The following WAC variants were observed in gnomAD, a reference collection of about 807,000 sequenced individuals.
WAC encodes the protein WW domain containing adaptor with coiled-coil, also known as WW domain-containing adapter protein with coiled-coil.
Under a neutral mutation model 79.6 loss-of-function variants are expected in WAC, and 11 were observed. The ratio of observed to expected loss-of-function variants is 0.14; its 90% CI spans 0.09 to 0.23. The LOEUF (loss-of-function observed/expected upper bound fraction) is 0.23, where lower values mean the gene tolerates loss of function less well. WAC is among the 10% of genes least tolerant of loss of function. The pLI, the probability that WAC is intolerant of heterozygous loss-of-function variation, is 1.00. For missense variants in WAC, 728 were observed against 773.5 expected (o/e 0.94, Z 0.70); for synonymous variants, 304 against 276.9 (o/e 1.10, Z -0.97).
chr10:28,579,904 A>T (rs988608450), intron 3 of WAC, among the ~76,000 whole-genome samples: 1 of 152,208 alleles, frequency 6.6e-6, no homozygotes, highest in Non-Finnish European at 1.5e-5. Context: ...TCTAGTTGGA[A>T]TGTAAAGATG....
intron 13 of WAC, 23 bp from the exon 14 acceptor site, chr10:28,619,514 T>C: frequency 6.4e-7 from 1 of 1,554,366 alleles, no homozygotes; most frequent in African/African-American, 1.4e-5. Flanking sequence ...ACACAGGTTC[T>C]AATGTCTGCT....
At chr10:28,538,727 TAAAA>T (rs769305469) in intron 3 of WAC, among the ~76,000 whole-genome samples, 2 of 143,344 alleles carry the variant, frequency 1.4e-5, no homozygotes, top group African/African-American at 5.1e-5. Flanking sequence ...CTGTGTCTAC[TAAAA>T]AAAAAAAAAA....
intron 3 of WAC, among the ~76,000 whole-genome samples, chr10:28,553,687 C>T (rs1837828422): frequency 6.6e-6 from 1 of 152,054 alleles, no homozygotes; most frequent in East Asian, 1.9e-4. Flanking sequence ...AATATTAATA[C>T]AGTCAGCCTT....
intron 3 of WAC, among the ~76,000 whole-genome samples, chr10:28,544,475 G>A (rs1837243594): frequency 6.6e-6 from 1 of 152,182 alleles, no homozygotes; most frequent in African/African-American, 2.4e-5. Flanking sequence ...TTGTTGCGGG[G>A]TTAAATGAAA....
In WAC at chr10:28,601,755, G is replaced by T. The variant is rs114707610; in HGVS notation, c.919+5714G>T. Among the ~76,000 whole-genome samples the T allele has an allele frequency of 8.4e-3, 1,280 of 152,252 alleles. 19 individuals are homozygous for T. The highest frequency in any genetic ancestry group is 0.026 in the African/African-American group (1,094 of 41,556). ...AAATTCTGATACATGCTACAACATGGATGAACCTTGAGAATATTACATGAA... is the reference window on the plus strand; with the variant it reads ...AAATTCTGATACATGCTACAACATGTATGAACCTTGAGAATATTACATGAA... On this transcript the variant is annotated intron_variant, in intron 7 of 13. Coordinates refer to ENST00000354911, the MANE Select transcript of WAC (RefSeq NM_016628.5).
intron 13 of WAC, chr10:28,618,183 C>T (rs1468580680): frequency 6.3e-6 from 1 of 157,524 alleles, no homozygotes; most frequent in Non-Finnish European, 1.4e-5. Flanking sequence ...TTTAGTGTAT[C>T]TGCTGTCTTA....
intron 13 of WAC, 37 bp downstream of exon 13, chr10:28,617,821 A>G (rs751099926): frequency 1.3e-6 from 2 of 1,546,854 alleles, no homozygotes; most frequent in Non-Finnish European, 1.7e-6. Flanking sequence ...TATGTTTCTC[A>G]GGATTATGAT....
chr10:28,602,894 A>C (rs892309926), intron 7 of WAC, among the ~76,000 whole-genome samples: 1 of 152,172 alleles, frequency 6.6e-6, no homozygotes, highest in African/African-American at 2.4e-5. Flanking sequence ...AAGCATTAAG[A>C]AGTTTTGTCT....
chr10:28,595,366 C>T (rs1244023592), intron 6 of WAC, among the ~76,000 whole-genome samples: 1 of 151,928 alleles, frequency 6.6e-6, no homozygotes, highest in Non-Finnish European at 1.5e-5. Flanking sequence ...TTTACTTTTT[C>T]TGCCTTTAAA....
intron 3 of WAC, among the ~76,000 whole-genome samples, chr10:28,539,832 T>G (rs1016999382): frequency 2.6e-5 from 4 of 152,184 alleles, no homozygotes; most frequent in Non-Finnish European, 5.9e-5. Flanking sequence ...GTGCTAGGAT[T>G]ACAGGCGTGA....
At chr10:28,551,033 AATTC>A (rs1837639620) in intron 3 of WAC, among the ~76,000 whole-genome samples, 1 of 152,236 alleles carries the variant, frequency 6.6e-6, no homozygotes, top group Admixed American at 6.5e-5. Flanking sequence ...AACCCTCTTA[AATTC>A]ATATCTCACT....
chr10:28,568,250 G>A (rs372080828), intron 3 of WAC, among the ~76,000 whole-genome samples: 76 of 152,222 alleles, frequency 5.0e-4, no homozygotes, highest in African/African-American at 9.6e-4. Context: ...GTTTGCTGTC[G>A]GATTCATCTG....
intron 3 of WAC, among the ~76,000 whole-genome samples, chr10:28,567,814 G>C (rs1409399056): frequency 6.6e-6 from 1 of 152,080 alleles, no homozygotes; most frequent in Non-Finnish European, 1.5e-5. Context: ...GAGTGCAGTG[G>C]CACTATCATG....
At chr10:28,591,058 A>G in intron 6 of WAC, 1 of 437,586 alleles carries the variant, frequency 2.3e-6, no homozygotes, top group Non-Finnish European at 4.1e-6. Context: ...CATTATGGCT[A>G]TAATGGAGTT....
At chr10:28,597,913 T>C (rs1044292637) in intron 7 of WAC, among the ~76,000 whole-genome samples, 2 of 152,202 alleles carry the variant, frequency 1.3e-5, no homozygotes, top group East Asian at 3.8e-4. Context: ...CGTGGAGATT[T>C]CACTTACTGA....
At chr10:28,618,715 G>A (rs934251682) in intron 13 of WAC, among the ~76,000 whole-genome samples, 2 of 152,152 alleles carry the variant, frequency 1.3e-5, no homozygotes, top group African/African-American at 4.8e-5. Context: ...ATATTTTTAC[G>A]TTCATGGGAA....
intron 3 of WAC, among the ~76,000 whole-genome samples, chr10:28,553,211 CAAAT>C (rs1216912365): frequency 2.0e-5 from 3 of 151,976 alleles, no homozygotes; most frequent in African/African-American, 4.8e-5. Flanking sequence ...CTATTATAAA[CAAAT>C]CTTTTATAGT....
chr10:28,570,513 T>C (rs925938921), intron 3 of WAC, among the ~76,000 whole-genome samples: 3 of 152,220 alleles, frequency 2.0e-5, no homozygotes, highest in African/African-American at 7.2e-5. Flanking sequence ...AGTTGATCCT[T>C]AATCACCCAC....
At chr10:28,576,482 A>G (rs1469648327) in intron 3 of WAC, among the ~76,000 whole-genome samples, 1 of 152,162 alleles carries the variant, frequency 6.6e-6, no homozygotes, top group Non-Finnish European at 1.5e-5. Context: ...CAGTGGTGAG[A>G]TTTTTCCAAG....
Sources: gnomAD v4.1 joint callset for allele counts (sites outside exome capture counted in the v4.1 genomes callset) on GRCh38, gnomAD v4.1.1 for gene constraint, MANE v1.5 for transcripts, NCBI Gene and HGNC (gene_info 2026-07-23, HGNC 2026-07-21) for gene names.